MAD1L1: variants seen among roughly 807,000 people sequenced by gnomAD.
The protein encoded by MAD1L1 is mitotic spindle assembly checkpoint protein MAD1.
A neutral mutation model predicts 96.9 loss-of-function variants in MAD1L1; 95 were observed. That is an observed-to-expected ratio of 0.98 (90% confidence interval 0.83 to 1.16). MAD1L1 has a LOEUF of 1.16. Ranked by LOEUF, MAD1L1 falls within the 50% of genes most tolerant of loss-of-function variation. MAD1L1 has a pLI of 0.00. For missense variants in MAD1L1, 1,007 were observed against 954.4 expected (o/e 1.06, Z -0.73); for synonymous variants, 473 against 396.6 (o/e 1.19, Z -2.29).
chr7:1,816,681 G>C (rs921952141), intron 18 of MAD1L1, among the ~76,000 whole-genome samples: 7 of 152,066 alleles, frequency 4.6e-5, no homozygotes, highest in Admixed American at 2.6e-4. Context: ...GGCCCAGGGG[G>C]AGTCTGGCTC....
intron 10 of MAD1L1, among the ~76,000 whole-genome samples, chr7:2,190,567 A>AAG (rs1791670440): frequency 6.6e-6 from 1 of 152,356 alleles, no homozygotes; most frequent in East Asian, 1.9e-4. Flanking sequence ...CATCTGACAA[A>AAG]AGACTCTGTC....
intron 10 of MAD1L1, among the ~76,000 whole-genome samples, chr7:2,172,443 C>A (rs1790750315): frequency 6.6e-6 from 1 of 152,214 alleles, no homozygotes; most frequent in Admixed American, 6.5e-5. Flanking sequence ...CACGGTGCCG[C>A]TGCGAAAGGC....
intron 18 of MAD1L1, among the ~76,000 whole-genome samples, chr7:1,824,657 G>A (rs1782297408): frequency 6.6e-6 from 1 of 152,206 alleles, no homozygotes; most frequent in Admixed American, 6.5e-5. Flanking sequence ...GGAGAGGAGA[G>A]GGGCGTGCCT....
intron 10 of MAD1L1, among the ~76,000 whole-genome samples, chr7:2,165,355 A>G (rs951096563): frequency 2.6e-5 from 4 of 152,246 alleles, no homozygotes; most frequent in African/African-American, 9.6e-5. Flanking sequence ...TATCTGGACG[A>G]GTGCACATGT....
chr7:2,169,853 G>A (rs1378133875), intron 10 of MAD1L1, among the ~76,000 whole-genome samples: 4 of 122,492 alleles, frequency 3.3e-5, no homozygotes, highest in Admixed American at 8.1e-5. Flanking sequence ...GGGGGCACTC[G>A]GAGCAGGGGC....
At chr7:1,984,380 T>G (rs1051840030) in intron 14 of MAD1L1, among the ~76,000 whole-genome samples, 2 of 152,270 alleles carry the variant, frequency 1.3e-5, no homozygotes, top group African/African-American at 4.8e-5. Context: ...TGCACTCCTT[T>G]TAACATGAGT....
chr7:2,154,536 C>T (rs1789731239), intron 10 of MAD1L1, among the ~76,000 whole-genome samples: 1 of 152,040 alleles, frequency 6.6e-6, no homozygotes, highest in African/African-American at 2.4e-5. Flanking sequence ...TGATGGTTAC[C>T]CCAAATACCC....
Position 1,936,698 on chromosome 7 carries a change from T to C in MAD1L1, c.1796A>G (p.Lys599Arg), listed in dbSNP as rs924576328. 12 of 1,553,504 alleles carry C rather than the reference T, an allele frequency of 7.7e-6. No homozygotes were observed. The highest frequency in any genetic ancestry group is 1.0e-5 in the Non-Finnish European group (12 of 1,149,798). Residue 599 changes from lysine (K) to arginine (R), a missense_variant, in exon 17 of 19, where the codon AAG (lysine) becomes AGG (arginine). Physicochemically the swap from Lys to Arg is conservative, Grantham distance 26. Transcript: ENST00000265854. ...EAAAASLPSS[K>R]EVAELKKQVE... ...TGGGGGGTGCCTACCTGCCACCTCCTTGGACGATGGCAGACTCGCGGCGGC... is the reference window on the plus strand; with the variant it reads ...TGGGGGGTGCCTACCTGCCACCTCCCTGGACGATGGCAGACTCGCGGCGGC...
chr7:1,936,861 T>C lies in MAD1L1; in HGVS notation c.1633A>G (p.Met545Val), dbSNP rs746361597. The change falls in exon 17 of 19, where the codon ATG (methionine) becomes GTG (valine). Residue 545 changes from methionine (M) to valine (V), a missense_variant. By Grantham distance (21) the Met-to-Val change is conservative. Transcript: ENST00000265854. The stretch of plus-strand genomic sequence containing the variant: ...GCCACACTGGTGGGGTTCAGGCTCA[T>C]GTGCAGCACTTTGGTCCTGCTCTGG... ...YDQSRTKVLH[M>V]SLNPTSVARQ... is the part of the protein sequence containing the mutation. 4.4e-6 allele frequency: 7 copies of C among 1,606,332 alleles called. No individual in the cohort carries two copies. In the East Asian group the frequency reaches 6.7e-5, roughly 15 times the overall value.
At chr7:2,116,658 AG>A (rs1787719367) in intron 11 of MAD1L1, among the ~76,000 whole-genome samples, 1 of 151,412 alleles carries the variant, frequency 6.6e-6, no homozygotes, top group South Asian at 2.1e-4. Context: ...ATACTGTTGC[AG>A]GGGGCCCAGG....
rs115576355 is a variant in MAD1L1 at position 2,133,850 on chromosome 7, T to C, written c.1073+15302A>G. ...CGGTCCACGATCAGCCGAGTATATCTGTGTGGGTCTATCTCGTGGCTCTCT... is the reference window on the plus strand; with the variant it reads ...CGGTCCACGATCAGCCGAGTATATCCGTGTGGGTCTATCTCGTGGCTCTCT... On this transcript the variant is annotated intron_variant, in intron 11 of 18. Coordinates refer to ENST00000265854, the MANE Select transcript of MAD1L1 (RefSeq NM_001013836.2). 8.2e-3 allele frequency among the ~76,000 whole-genome samples: 1,250 copies of C among 152,336 alleles called. 19 individuals carry two copies. The highest frequency in any genetic ancestry group is 0.028 in the African/African-American group (1,179 of 41,564).
At chr7:1,828,138 G>C (rs1239625888) in intron 18 of MAD1L1, among the ~76,000 whole-genome samples, 4 of 152,098 alleles carry the variant, frequency 2.6e-5, no homozygotes, top group Non-Finnish European at 5.9e-5. Context: ...CCACCTCAGA[G>C]GGCGGCCGGC....
At chr7:1,822,883 A>T (rs1328382009) in intron 18 of MAD1L1, among the ~76,000 whole-genome samples, 1 of 152,012 alleles carries the variant, frequency 6.6e-6, no homozygotes, top group Non-Finnish European at 1.5e-5. Context: ...TCAGACAGAC[A>T]TGGCTGGGGC....
intron 12 of MAD1L1, among the ~76,000 whole-genome samples, chr7:2,046,853 G>T (rs1783943929): frequency 6.6e-6 from 1 of 152,186 alleles, no homozygotes; most frequent in Non-Finnish European, 1.5e-5. Flanking sequence ...AGGAGGAGGA[G>T]CAGCGCTCCC....
chr7:2,027,771 G>A (rs938727457), intron 12 of MAD1L1, among the ~76,000 whole-genome samples: 20 of 152,196 alleles, frequency 1.3e-4, no homozygotes, highest in African/African-American at 3.4e-4. Context: ...CTTTAACAGT[G>A]AAATGTTGAA....
rs542272472 is a variant in MAD1L1, at chr7:1,980,464, C to T, written c.1494G>A (p.Ala498=). 9.9e-6 allele frequency: 16 copies of T among 1,612,054 alleles called. No individual in the cohort carries two copies. The highest frequency in any genetic ancestry group is 3.3e-5 in the Admixed American group (2 of 59,798). ...TCTGGGGGACGTACCTGAGCGTGTC[C>T]GCCTCCTCCCTGGAGAACAGGAAGC... ...EQSFLFSREE[A]DTLRLKVEEL... Residue 498 remains alanine, a synonymous_variant, in exon 15 of 19, where the codon GCG becomes GCA. Transcript: ENST00000265854.
At chr7:1,886,112 C>T (rs540878300) in intron 18 of MAD1L1, among the ~76,000 whole-genome samples, 25 of 152,346 alleles carry the variant, frequency 1.6e-4, no homozygotes, top group African/African-American at 5.8e-4. Context: ...TTTACCTTCT[C>T]GTCAGCCCAG....
intron 18 of MAD1L1, among the ~76,000 whole-genome samples, chr7:1,839,665 G>C (rs2128631629): frequency 6.6e-6 from 1 of 152,306 alleles, no homozygotes; most frequent in East Asian, 1.9e-4. Flanking sequence ...GGAGGCAGTG[G>C]ACCAGATAAA....
chr7:2,194,785 G>C, intron 10 of MAD1L1, among the ~76,000 whole-genome samples: 1 of 152,102 alleles, frequency 6.6e-6, no homozygotes. Flanking sequence ...ATTATTAAAA[G>C]TCTTTGGGCT....
Sources: gnomAD v4.1 joint callset for allele counts (sites outside exome capture counted in the v4.1 genomes callset) on GRCh38, gnomAD v4.1.1 for gene constraint, MANE v1.5 for transcripts, NCBI Gene and HGNC (gene_info 2026-07-23, HGNC 2026-07-21) for gene names.